SUPT3H: variants seen among roughly 807,000 people sequenced by gnomAD.
SUPT3H encodes the protein transcription initiation protein SPT3 homolog.
SUPT3H carries 44 observed loss-of-function variants against 44.3 expected under a neutral mutation model. That is an observed-to-expected ratio of 0.99 (90% CI 0.78 to 1.28). The LOEUF (loss-of-function observed/expected upper bound fraction) is 1.28. SUPT3H is among the 50% of genes most tolerant of loss of function. SUPT3H has a pLI of 0.00. For missense variants in SUPT3H, 380 were observed against 387.1 expected, an observed-to-expected ratio of 0.98 and a Z score of 0.15; for synonymous variants, 124 against 125.6, an observed-to-expected ratio of 0.99 and a Z score of 0.09.
chr6:45,018,353 A>C (rs912137462), intron 4 of SUPT3H, among the ~76,000 whole-genome samples: 106 of 150,942 alleles, frequency 7.0e-4, no homozygotes, highest in African/African-American at 2.4e-3. Flanking sequence ...TCTCCTGCCT[A>C]ATTGCCCTGG....
At chr6:45,135,124 C>T (rs9472442) in intron 2 of SUPT3H, among the ~76,000 whole-genome samples, 132,293 of 152,158 alleles carry the variant, frequency 0.87, 57,757 homozygotes, top group African/African-American at 0.91. Flanking sequence ...AAACCACAAA[C>T]AGATGAGTAG....
intron 2 of SUPT3H, among the ~76,000 whole-genome samples, chr6:45,117,601 A>G (rs1801024919): frequency 6.6e-6 from 1 of 152,118 alleles, no homozygotes; most frequent in Non-Finnish European, 1.5e-5. Context: ...ATTCTAGAAA[A>G]ACCACCTGGC....
At chr6:45,003,042 T>G (rs1048257404) in intron 6 of SUPT3H, among the ~76,000 whole-genome samples, 1 of 152,186 alleles carries the variant, frequency 6.6e-6, no homozygotes, top group Non-Finnish European at 1.5e-5. Context: ...ACTTTAAATT[T>G]TTCCTTTAGT....
chr6:44,973,238 C>T (rs1158435690), intron 6 of SUPT3H, among the ~76,000 whole-genome samples: 2 of 152,132 alleles, frequency 1.3e-5, no homozygotes, highest in Non-Finnish European at 2.9e-5. Context: ...ATTTCTTCTG[C>T]TATATACCCT....
Position 45,247,692 on chromosome 6 carries a change from T to TTC in SUPT3H, c.101+117508_101+117509insGA, listed in dbSNP as rs1771617443. Reference sequence around the variant, plus strand: ...AGACTCTACTGGATTCTTTTTCCATTTTTTTTTTTTTTGTAGACATAGAAA... The same window carrying TTC: ...AGACTCTACTGGATTCTTTTTCCATTTCTTTTTTTTTTTTGTAGACATAGAAA... On this transcript the variant is annotated intron_variant, in intron 2 of 10. Coordinates refer to ENST00000371459, the MANE Select transcript of SUPT3H (RefSeq NM_003599.4). Among the ~76,000 whole-genome samples the TTC allele has an allele frequency of 3.1e-5, 4 of 131,046 alleles. No individual in the cohort carries two copies. The South Asian group carries it at 1.0e-3, about 34-fold the overall frequency. The allele number at this position is 131,046 out of a possible 152,430, so 86.0% of individuals were successfully genotyped here.
chr6:45,216,780 A>G (rs1361567682), intron 2 of SUPT3H, among the ~76,000 whole-genome samples: 1 of 152,220 alleles, frequency 6.6e-6, no homozygotes, highest in Non-Finnish European at 1.5e-5. Flanking sequence ...TGTACCTAAC[A>G]CAGGAACACC....
intron 2 of SUPT3H, among the ~76,000 whole-genome samples, chr6:45,340,740 T>C (rs1418604198): frequency 6.6e-6 from 1 of 152,108 alleles, no homozygotes; most frequent in Non-Finnish European, 1.5e-5. Flanking sequence ...GATATAAAAA[T>C]ATAATTTAGG....
intron 3 of SUPT3H, among the ~76,000 whole-genome samples, chr6:45,084,771 C>G (rs144321735): frequency 8.5e-5 from 13 of 152,252 alleles, no homozygotes; most frequent in African/African-American, 3.1e-4. Flanking sequence ...CCACGAAATC[C>G]TATGCAGCCA....
intron 2 of SUPT3H, among the ~76,000 whole-genome samples, chr6:45,121,964 C>T (rs1053814408): frequency 7.9e-5 from 12 of 151,910 alleles, no homozygotes; most frequent in Admixed American, 3.3e-4. Flanking sequence ...GCGTGAGCCA[C>T]CGCACCTAGC....
In SUPT3H at chr6:45,158,298, A is replaced by ATATATATTTT; in HGVS notation, c.102-52293_102-52292insAAAATATATA. On this transcript the variant is annotated intron_variant, in intron 2 of 10. Coordinates refer to ENST00000371459, the MANE Select transcript of SUPT3H (RefSeq NM_003599.4). The stretch of plus-strand genomic sequence containing the variant: ...TACATATATATATATATATATATAT[A>ATATATATTTT]TTTTTTTTTTTTTTTTTTTGAGATG... Among the ~76,000 whole-genome samples, 24 of 99,688 alleles carry ATATATATTTT rather than the reference A, an allele frequency of 2.4e-4. 1 individual carries two copies. The highest frequency in any genetic ancestry group is 1.0e-3 in the African/African-American group (20 of 19,982). The allele number at this position is 99,688 out of a possible 152,430, so 65.4% of individuals were successfully genotyped here.
At chr6:45,187,167 C>A (rs1393152409) in intron 2 of SUPT3H, among the ~76,000 whole-genome samples, 1 of 142,352 alleles carries the variant, frequency 7.0e-6, no homozygotes, top group Non-Finnish European at 1.5e-5. Context: ...GTAATCCCAA[C>A]ACTCTGGGAG....
intron 6 of SUPT3H, among the ~76,000 whole-genome samples, chr6:44,974,921 AG>A (rs1312452031): frequency 6.6e-6 from 1 of 152,186 alleles, no homozygotes; most frequent in Non-Finnish European, 1.5e-5. Flanking sequence ...TAAGATGACC[AG>A]TTTATTGGGA....
At chr6:44,948,211 C>T (rs1484384151) in intron 9 of SUPT3H, among the ~76,000 whole-genome samples, 1 of 152,104 alleles carries the variant, frequency 6.6e-6, no homozygotes, top group Non-Finnish European at 1.5e-5. Flanking sequence ...AACTAGATCC[C>T]TTCCTTACAC....
chr6:45,024,152 T>C (rs977563327), intron 3 of SUPT3H, among the ~76,000 whole-genome samples: 1 of 152,160 alleles, frequency 6.6e-6, no homozygotes, highest in African/African-American at 2.4e-5. Context: ...TGTAACAACT[T>C]TGTTAGGAAA....
intron 2 of SUPT3H, among the ~76,000 whole-genome samples, chr6:45,203,293 C>T (rs558789938): frequency 6.6e-6 from 1 of 152,038 alleles, no homozygotes; most frequent in African/African-American, 2.4e-5. Context: ...CCCAACTGTT[C>T]AGGTCAAAAT....
At chr6:45,316,882 C>T (rs1362954335) in intron 2 of SUPT3H, among the ~76,000 whole-genome samples, 2 of 152,016 alleles carry the variant, frequency 1.3e-5, no homozygotes, top group African/African-American at 4.8e-5. Context: ...TGGAAGAAGA[C>T]ACAATTAAAT....
intron 2 of SUPT3H, among the ~76,000 whole-genome samples, chr6:45,269,974 G>A (rs113219971): frequency 4.5e-4 from 69 of 152,076 alleles, no homozygotes; most frequent in Middle Eastern, 3.4e-3. Context: ...AGGCAACCAC[G>A]GATCTATCCT....
intron 2 of SUPT3H, among the ~76,000 whole-genome samples, chr6:45,297,622 A>G (rs1781499823): frequency 6.6e-6 from 1 of 152,202 alleles, no homozygotes. Context: ...GGAACCAATA[A>G]ATTGTTGGAG....
chr6:44,844,255 C>G (rs2153417543), intron 10 of SUPT3H, among the ~76,000 whole-genome samples: 1 of 152,190 alleles, frequency 6.6e-6, no homozygotes, highest in African/African-American at 2.4e-5. Flanking sequence ...GAAAATGAAT[C>G]ACAGACCCAA....
Sources: gnomAD v4.1 joint callset for allele counts (sites outside exome capture counted in the v4.1 genomes callset) on GRCh38, gnomAD v4.1.1 for gene constraint, MANE v1.5 for transcripts, NCBI Gene and HGNC (gene_info 2026-07-23, HGNC 2026-07-21) for gene names.